CACNB2: variants seen among roughly 807,000 people sequenced by gnomAD.
CACNB2 encodes the protein calcium voltage-gated channel auxiliary subunit beta 2.
In CACNB2, 42 loss-of-function variants were observed where a neutral mutation model predicts 73.3. The observed-to-expected ratio is 0.57, with a 90% CI of 0.45 to 0.74. The LOEUF (loss-of-function observed/expected upper bound fraction) is 0.74, where lower values mean the gene tolerates loss of function less well. Ranked by LOEUF, CACNB2 falls within the 30% of genes least tolerant of loss-of-function variation. The probability of loss-of-function intolerance (pLI) is 0.00; values close to 1 mark genes in which losing one functional copy is unlikely to be tolerated. For missense variants in CACNB2, 940 were observed against 853.0 expected (o/e 1.10, Z -1.27); for synonymous variants, 348 against 310.3 (o/e 1.12, Z -1.28).
chr10:18,408,951 C>T (rs148498669), intron 3 of CACNB2, among the ~76,000 whole-genome samples: 1 of 152,266 alleles, frequency 6.6e-6, no homozygotes, highest in Admixed American at 6.5e-5. Context: ...CTCCTGGGCT[C>T]AAGTGATCCT....
At chr10:18,538,483 A>G in intron 13 of CACNB2, 118 bp downstream of exon 13, 1 of 819,434 alleles carries the variant, frequency 1.2e-6, no homozygotes, top group Non-Finnish European at 2.0e-6. Flanking sequence ...CTAGTATATT[A>G]ACTCAAAGCA....
At chr10:18,482,703 G>T (rs186600159) in intron 3 of CACNB2, among the ~76,000 whole-genome samples, 3 of 152,088 alleles carry the variant, frequency 2.0e-5, no homozygotes, top group Non-Finnish European at 4.4e-5. Context: ...GTAGAGACAG[G>T]GTTTCACCAC....
intron 2 of CACNB2, among the ~76,000 whole-genome samples, chr10:18,306,136 G>T (rs1231590485): frequency 1.3e-5 from 2 of 152,132 alleles, no homozygotes; most frequent in Non-Finnish European, 2.9e-5. Flanking sequence ...GTGATCTTGG[G>T]AGAGGAGTTT....
chr10:18,365,942 G>A (rs7923885), intron 2 of CACNB2, among the ~76,000 whole-genome samples: 82,736 of 152,018 alleles, frequency 0.54, 23,164 homozygotes, highest in East Asian at 0.95. Flanking sequence ...GGAATTCCAG[G>A]AAGTTTCTGA....
At chr10:18,327,116 A>G (rs2040617107) in intron 2 of CACNB2, among the ~76,000 whole-genome samples, 1 of 152,106 alleles carries the variant, frequency 6.6e-6, no homozygotes, top group Non-Finnish European at 1.5e-5. Flanking sequence ...AAAGAATGGT[A>G]TCCTAGAACA....
At chr10:18,188,179 G>T (rs1041061486) in intron 2 of CACNB2, among the ~76,000 whole-genome samples, 2 of 151,978 alleles carry the variant, frequency 1.3e-5, no homozygotes, top group African/African-American at 4.8e-5. Context: ...GGGCCATTTT[G>T]CTTGCTTATC....
chr10:18,389,875 A>G (rs1564495876), intron 2 of CACNB2, among the ~76,000 whole-genome samples: 1 of 152,236 alleles, frequency 6.6e-6, no homozygotes, highest in African/African-American at 2.4e-5. Context: ...CATCTTTTCC[A>G]GATGCTTATG....
Position 18,265,151 on chromosome 10 carries a change from T to A in CACNB2, c.213+114176T>A, listed in dbSNP as rs547844123. On this transcript the variant is annotated intron_variant, in intron 2 of 13. Coordinates refer to ENST00000324631, the MANE Select transcript of CACNB2 (RefSeq NM_201596.3). The stretch of plus-strand genomic sequence containing the variant: ...TTTATTGACCATTTGGCCATCTTCT[T>A]TTTTTTTTTTTTTTTTTGAGATGGA... Among the ~76,000 whole-genome samples, 209 of 144,598 alleles carry A rather than the reference T, an allele frequency of 1.4e-3. 1 individual carries two copies. Among genetic ancestry groups the A allele is most frequent in the African/African-American group, 4.8e-3 (189 of 39,490 alleles). 94.9% of individuals were successfully genotyped at this position (144,598 alleles called of 152,430 possible). A position where few individuals can be genotyped will look rare whatever the true frequency, so the allele number is the denominator to read the frequency against.
At chr10:18,488,042 C>T (rs2049163179) in intron 3 of CACNB2, among the ~76,000 whole-genome samples, 1 of 151,350 alleles carries the variant, frequency 6.6e-6, no homozygotes, top group African/African-American at 2.4e-5. Context: ...CTCCTGACCT[C>T]AGGTGGTCCG....
chr10:18,285,740 A>T (rs923320386), intron 2 of CACNB2, among the ~76,000 whole-genome samples: 1 of 152,198 alleles, frequency 6.6e-6, no homozygotes, highest in East Asian at 1.9e-4. Context: ...CACAGTTGTT[A>T]TGTGACATTT....
chr10:18,259,565 A>AGAAAAG (rs1554779364), intron 2 of CACNB2, among the ~76,000 whole-genome samples: 1 of 55,524 alleles, frequency 1.8e-5, no homozygotes, highest in South Asian at 3.3e-4. Flanking sequence ...AAAAACAAAC[A>AGAAAAG]AAAAAAAAAA....
At chr10:18,472,240 T>C (rs76260537) in intron 3 of CACNB2, among the ~76,000 whole-genome samples, 61,462 of 136,596 alleles carry the variant, frequency 0.45, 13,666 homozygotes, top group East Asian at 0.55. Context: ...TTTTTTTTTT[T>C]TTTTTTTTTT....
chr10:18,321,725 T>C (rs998030454), intron 2 of CACNB2, among the ~76,000 whole-genome samples: 1 of 152,196 alleles, frequency 6.6e-6, no homozygotes. Flanking sequence ...GGTATTTTAA[T>C]CACCTCACTA....
chr10:18,202,421 A>G lies in CACNB2; in HGVS notation c.213+51446A>G, dbSNP rs141335014. Among the ~76,000 whole-genome samples the G allele has an allele frequency of 5.9e-3, 893 of 152,324 alleles. 5 individuals are homozygous for G. The highest frequency in any genetic ancestry group is 0.017 in the Middle Eastern group (5 of 294). ...TTCTCTAACTCTCAAATGAGCCACC[A>G]TATATTATAGGGACCAAACCATGGG... is the stretch of plus-strand genomic sequence containing the variant. On this transcript the variant is annotated intron_variant, in intron 2 of 13. Transcript: ENST00000324631.
At chr10:18,522,262 AT>A (rs1263202706) in intron 9 of CACNB2, among the ~76,000 whole-genome samples, 3 of 152,058 alleles carry the variant, frequency 2.0e-5, no homozygotes. Flanking sequence ...TCACTTCATT[AT>A]ATATTCCAGT....
intron 2 of CACNB2, among the ~76,000 whole-genome samples, chr10:18,317,815 G>C (rs747900738): frequency 6.6e-6 from 1 of 152,158 alleles, no homozygotes; most frequent in Non-Finnish European, 1.5e-5. Flanking sequence ...GTGCTCCTCT[G>C]TTCCAGCCAT....
At chr10:18,254,375 G>C (rs926002293) in intron 2 of CACNB2, among the ~76,000 whole-genome samples, 1 of 152,064 alleles carries the variant, frequency 6.6e-6, no homozygotes, top group Non-Finnish European at 1.5e-5. Context: ...TTGAGGTTTA[G>C]TGTGCATTCC....
intron 2 of CACNB2, among the ~76,000 whole-genome samples, chr10:18,167,872 C>T (rs1192955531): frequency 1.3e-5 from 2 of 152,130 alleles, no homozygotes; most frequent in African/African-American, 2.4e-5. Flanking sequence ...TTTACAGCCC[C>T]AGTGAAAACC....
At chr10:18,511,789 T>C (rs1391778847) in intron 6 of CACNB2, among the ~76,000 whole-genome samples, 1 of 152,114 alleles carries the variant, frequency 6.6e-6, no homozygotes, top group African/African-American at 2.4e-5. Flanking sequence ...GGCACCCAGA[T>C]TGAGAAGGGA....
Sources: allele counts gnomAD v4.1 joint callset (sites outside exome capture counted in the v4.1 genomes callset), GRCh38; gene constraint gnomAD v4.1.1; transcripts MANE v1.5; gene names NCBI Gene and HGNC (gene_info 2026-07-23, HGNC 2026-07-21).